CYP19A1: variants seen among roughly 807,000 people sequenced by gnomAD.
CYP19A1 encodes aromatase.
Under a neutral mutation model 44.4 loss-of-function variants are expected in CYP19A1, and 32 were observed. That is an observed-to-expected ratio of 0.72 (90% CI 0.54 to 0.97). The LOEUF (loss-of-function observed/expected upper bound fraction) is 0.97, where lower values mean the gene tolerates loss of function less well. Ranked by LOEUF, CYP19A1 falls within the 50% of genes least tolerant of loss-of-function variation. The pLI is 0.00. For missense variants in CYP19A1, 598 were observed against 637.8 expected (o/e 0.94, Z 0.67); for synonymous variants, 212 against 215.6 (o/e 0.98, Z 0.14).
In CYP19A1 at chr15:51,280,183, A is replaced by G. The variant is rs933716727; in HGVS notation, c.-38-37233T>C. ...GTCGCCCAGGCTGGAGTGCAGTGGC[A>G]CGATCTCGGCTCACTGCAACCTCTG... On this transcript the variant is annotated intron_variant, in intron 1 of 9. Coordinates refer to ENST00000396402, the MANE Select transcript of CYP19A1 (RefSeq NM_000103.4). Among the ~76,000 whole-genome samples, 21 of 136,090 alleles carry G rather than the reference A, an allele frequency of 1.5e-4. 1 individual carries two copies. Among genetic ancestry groups the G allele is most frequent in the East Asian group, 1.1e-3 (5 of 4,528 alleles). 89.3% of individuals were successfully genotyped at this position (136,090 alleles called of 152,430 possible).
intron 6 of CYP19A1, among the ~76,000 whole-genome samples, chr15:51,217,398 A>G (rs1006469611): frequency 6.6e-6 from 1 of 152,250 alleles, no homozygotes. Context: ...CTCTGATCAC[A>G]GGGAAGAGAT....
chr15:51,285,216 C>T (rs2035657068), intron 1 of CYP19A1, among the ~76,000 whole-genome samples: 1 of 152,154 alleles, frequency 6.6e-6, no homozygotes, highest in Non-Finnish European at 1.5e-5. Flanking sequence ...ATCATTGCCC[C>T]CATTCAGCAT....
At chr15:51,215,996 A>G in intron 6 of CYP19A1, 179 bp from the exon 7 acceptor site, 2 of 1,244,302 alleles carry the variant, frequency 1.6e-6, no homozygotes, top group Non-Finnish European at 2.2e-6. Flanking sequence ...TAGACCCTAC[A>G]CTTCATGTTA....
At chr15:51,243,957 G>C (rs1194111018) in intron 1 of CYP19A1, among the ~76,000 whole-genome samples, 1 of 152,194 alleles carries the variant, frequency 6.6e-6, no homozygotes, top group Non-Finnish European at 1.5e-5. Context: ...TGAGGAAAGA[G>C]TGAGTCATCA....
At chr15:51,274,907 G>A (rs28757138) in intron 1 of CYP19A1, among the ~76,000 whole-genome samples, 8 of 152,154 alleles carry the variant, frequency 5.3e-5, no homozygotes, top group Admixed American at 3.3e-4. Flanking sequence ...ATCCTGCAAC[G>A]CTGGGGAGAA....
Position 51,222,343 on chromosome 15 carries a change from C to G in CYP19A1, c.628+6G>C. The G allele has an allele frequency of 6.2e-7, 1 of 1,614,146 alleles. No individual in the cohort carries two copies. The highest frequency in any genetic ancestry group is 8.5e-7 in the Non-Finnish European group (1 of 1,180,008). ...GGTCAAGATGTGAGAGTGAAAATTT[C>G]AGTACCGTCCAAAGGGATCCTCAAG... is the stretch of plus-strand genomic sequence containing the variant. On this transcript the variant is annotated splice_donor_region_variant and intron_variant, in intron 5 of 9. Coordinates refer to ENST00000396402, the MANE Select transcript of CYP19A1 (RefSeq NM_000103.4).
chr15:51,266,919 G>A (rs1157579515), intron 1 of CYP19A1, among the ~76,000 whole-genome samples: 1 of 152,222 alleles, frequency 6.6e-6, no homozygotes, highest in Non-Finnish European at 1.5e-5. Flanking sequence ...TCTCCACGAT[G>A]TGACTGTTGT....
intron 1 of CYP19A1, among the ~76,000 whole-genome samples, chr15:51,280,679 G>A (rs1216311116): frequency 6.6e-6 from 1 of 152,236 alleles, no homozygotes; most frequent in Non-Finnish European, 1.5e-5. Context: ...TCAGTGTGGT[G>A]TGGTGAAGAA....
At position 51,215,249 on chromosome 15, in the gene CYP19A1, T is replaced by G. The variant is rs1316506595; in HGVS notation, c.859-17A>C. On this transcript the variant is annotated splice_polypyrimidine_tract_variant and intron_variant, in intron 7 of 9. Transcript: ENST00000396402. ...ACCACGTTTCTGAACAATTGGAAGA[T>G]GGGAAAAATTTGGAAAAGTGAATCA... The G allele has an allele frequency of 5.6e-6, 9 of 1,613,796 alleles. No homozygotes were observed. The highest frequency in any genetic ancestry group is 6.8e-6 in the Non-Finnish European group (8 of 1,179,922).
At chr15:51,217,301 T>C (rs2031667982) in intron 6 of CYP19A1, among the ~76,000 whole-genome samples, 1 of 152,182 alleles carries the variant, frequency 6.6e-6, no homozygotes, top group Admixed American at 6.5e-5. Flanking sequence ...ACAATAAATT[T>C]CTGTGGGTCC....
intron 1 of CYP19A1, among the ~76,000 whole-genome samples, chr15:51,277,754 C>G (rs182248886): frequency 1.3e-4 from 19 of 151,672 alleles, no homozygotes; most frequent in Non-Finnish European, 2.4e-4. Context: ...ATAGATTGTT[C>G]CCCTCCTTCC....
Position 51,301,434 on chromosome 15 carries a change from C to A in CYP19A1, c.-39+37061G>T, listed in dbSNP as rs139457391. Among the ~76,000 whole-genome samples the A allele has an allele frequency of 2.2e-4, 34 of 152,362 alleles. No individual in the cohort carries two copies. The East Asian group carries it at 6.6e-3, about 29-fold the overall frequency. On this transcript the variant is annotated intron_variant, in intron 1 of 9. Transcript: ENST00000396402. The stretch of plus-strand genomic sequence containing the variant: ...TCTCATTTGGGATGCCGGGGCTACA[C>A]CTCCAAGACCAAGGCTCCTTCTGCC...
At chr15:51,272,848 G>C (rs2035177546) in intron 1 of CYP19A1, among the ~76,000 whole-genome samples, 1 of 152,204 alleles carries the variant, frequency 6.6e-6, no homozygotes, top group Admixed American at 6.5e-5. Flanking sequence ...TGACAGTTGA[G>C]ATAGACAGAT....
intron 3 of CYP19A1, among the ~76,000 whole-genome samples, chr15:51,228,488 C>T (rs912739766): frequency 2.6e-5 from 4 of 152,226 alleles, no homozygotes; most frequent in African/African-American, 9.6e-5. Context: ...GAGTATCAGT[C>T]AGGGCTTGAA....
At chr15:51,226,018 G>A (rs1876560488) in intron 4 of CYP19A1, among the ~76,000 whole-genome samples, 1 of 148,518 alleles carries the variant, frequency 6.7e-6, no homozygotes, top group South Asian at 2.2e-4. Flanking sequence ...GAACCTGGGA[G>A]GTGGAGCTTG....
intron 1 of CYP19A1, among the ~76,000 whole-genome samples, chr15:51,301,428 G>A (rs1033388111): frequency 6.6e-6 from 1 of 152,326 alleles, no homozygotes; most frequent in African/African-American, 2.4e-5. Context: ...GGATGCCGGG[G>A]CTACACCTCC....
intron 1 of CYP19A1, among the ~76,000 whole-genome samples, chr15:51,330,477 AT>A (rs2036682704): frequency 6.6e-6 from 1 of 152,236 alleles, no homozygotes; most frequent in African/African-American, 2.4e-5. Flanking sequence ...GTGATAAAAA[AT>A]AAAATGATAT....
At chr15:51,285,080 C>T (rs371633777) in intron 1 of CYP19A1, among the ~76,000 whole-genome samples, 2 of 152,266 alleles carry the variant, frequency 1.3e-5, no homozygotes, top group South Asian at 2.1e-4. Flanking sequence ...TCAAGAAAAC[C>T]GCACAGGAAG....
chr15:51,221,996 A>C (rs1595680763), intron 5 of CYP19A1: 1 of 430,972 alleles, frequency 2.3e-6, no homozygotes, highest in East Asian at 4.0e-5. Flanking sequence ...TATCATGCCC[A>C]AAAGAACAAC....
Sources: gnomAD v4.1 joint callset for allele counts (sites outside exome capture counted in the v4.1 genomes callset) on GRCh38, gnomAD v4.1.1 for gene constraint, MANE v1.5 for transcripts, NCBI Gene and HGNC (gene_info 2026-07-23, HGNC 2026-07-21) for gene names.